NTM: variants seen among roughly 807,000 people sequenced by gnomAD.
NTM encodes neurotrimin, also known as IgLON family member 2.
In NTM, 13 loss-of-function variants were observed where a neutral mutation model predicts 42.1. That is an observed-to-expected ratio of 0.31 (90% CI 0.20 to 0.49). The LOEUF (loss-of-function observed/expected upper bound fraction) is 0.49, where lower values mean the gene tolerates loss of function less well. Ranked by LOEUF, NTM falls within the 20% of genes least tolerant of loss-of-function variation. The pLI, the probability that NTM is intolerant of heterozygous loss-of-function variation, is 0.99. For missense variants in NTM, 373 were observed against 452.8 expected, an observed-to-expected ratio of 0.82 and a Z score of 1.60; for synonymous variants, 187 against 179.2, an observed-to-expected ratio of 1.04 and a Z score of -0.35.
intron 1 of NTM, among the ~76,000 whole-genome samples, chr11:131,588,862 T>C (rs1166984148): frequency 3.2e-4 from 48 of 152,232 alleles, no homozygotes; most frequent in Admixed American, 3.1e-3. Context: ...TTGATGATTC[T>C]GAGAGAACTC....
At chr11:131,529,474 G>C (rs2050944597) in intron 1 of NTM, among the ~76,000 whole-genome samples, 1 of 152,166 alleles carries the variant, frequency 6.6e-6, no homozygotes, top group Admixed American at 6.5e-5. Context: ...TTCTCAGAGG[G>C]TAAATAGGAT....
At chr11:132,088,139 A>G (rs983848873) in intron 2 of NTM, among the ~76,000 whole-genome samples, 1 of 152,190 alleles carries the variant, frequency 6.6e-6, no homozygotes, top group African/African-American at 2.4e-5. Context: ...CCAATATTGT[A>G]AAAGAAAAGA....
intron 4 of NTM, among the ~76,000 whole-genome samples, chr11:132,255,804 C>G (rs2092422066): frequency 6.6e-6 from 1 of 152,104 alleles, no homozygotes. Context: ...CACTTCCATT[C>G]CAGTCAGCCT....
rs73593379 is a variant in NTM at position 132,139,271 on chromosome 11, T to C, written c.168-7011T>C. ...GCCCCACCTTGCCCAGGTTACCTTTTGCTAGAGTTTAGAATTTAGAGTTCT... is the reference window on the plus strand; with the variant it reads ...GCCCCACCTTGCCCAGGTTACCTTTCGCTAGAGTTTAGAATTTAGAGTTCT... On this transcript the variant is annotated intron_variant, in intron 2 of 8. Coordinates refer to ENST00000683400, the MANE Select transcript of NTM (RefSeq NM_001352005.2). Among the ~76,000 whole-genome samples the C allele has an allele frequency of 9.3e-3, 1,413 of 152,328 alleles. 16 individuals carry two copies. Among genetic ancestry groups the C allele is most frequent in the African/African-American group, 0.032 (1,335 of 41,578 alleles).
intron 1 of NTM, among the ~76,000 whole-genome samples, chr11:131,560,301 G>C (rs972978488): frequency 2.0e-5 from 3 of 152,180 alleles, no homozygotes; most frequent in African/African-American, 4.8e-5. Flanking sequence ...AGATTGCAGA[G>C]ATAGCTACCT....
At position 131,878,597 on chromosome 11, in the gene NTM, ATATATAT is replaced by A. The variant is rs2048945334; in HGVS notation, c.83-32966_83-32960del. Among the ~76,000 whole-genome samples, 27 of 9,702 alleles carry A rather than the reference ATATATAT, an allele frequency of 2.8e-3. 1 individual carries two copies. The highest frequency in any genetic ancestry group is 7.2e-3 in the African/African-American group (23 of 3,176). 6.4% of individuals were successfully genotyped at this position (9,702 alleles called of 152,430 possible). A position where few individuals can be genotyped will look rare whatever the true frequency, so the allele number is the denominator to read the frequency against. ...AAAAAAAAAAAAAAAAAAAAAAAATATATATATATATATATATATATATATATATATA... is the reference window on the plus strand; with the variant it reads ...AAAAAAAAAAAAAAAAAAAAAAAATAATATATATATATATATATATATATA... On this transcript the variant is annotated intron_variant, in intron 1 of 8. Transcript: ENST00000683400.
intron 1 of NTM, among the ~76,000 whole-genome samples, chr11:131,474,996 A>G (rs907072020): frequency 2.0e-5 from 3 of 152,162 alleles, no homozygotes; most frequent in Admixed American, 6.5e-5. Flanking sequence ...AGGAATAACA[A>G]TGTCATGCCA....
chr11:131,709,729 TA>T (rs1184032036), intron 1 of NTM, among the ~76,000 whole-genome samples: 3 of 152,172 alleles, frequency 2.0e-5, no homozygotes, highest in Non-Finnish European at 4.4e-5. Flanking sequence ...TATCAGTATA[TA>T]AACAGTGTTT....
intron 1 of NTM, among the ~76,000 whole-genome samples, chr11:131,903,954 T>A (rs1474139498): frequency 1.3e-5 from 2 of 152,306 alleles, no homozygotes; most frequent in East Asian, 1.9e-4. Flanking sequence ...TTTTTTGTTT[T>A]TTGACAAACA....
intron 1 of NTM, among the ~76,000 whole-genome samples, chr11:131,657,310 G>A (rs545377601): frequency 1.3e-5 from 2 of 152,142 alleles, no homozygotes; most frequent in Non-Finnish European, 2.9e-5. Flanking sequence ...GGAAAGGTCA[G>A]TGGGGAATTC....
rs1239409562 is a variant in NTM at position 131,890,164 on chromosome 11, C to CTG, written c.83-21399_83-21398insGT. On this transcript the variant is annotated intron_variant, in intron 1 of 8. Transcript: ENST00000683400. ...TCTCTCTCTCTCTCTCTGTCTCTCTCTCTCTCTCTCTCTGTCTCTCTCTCT... is the reference window on the plus strand; with the variant it reads ...TCTCTCTCTCTCTCTCTGTCTCTCTCTGTCTCTCTCTCTCTGTCTCTCTCTCT... Among the ~76,000 whole-genome samples, 3 of 137,020 alleles carry CTG rather than the reference C, an allele frequency of 2.2e-5. No homozygotes were observed. In the South Asian group the frequency reaches 6.9e-4, roughly 32 times the overall value. 89.9% of individuals were successfully genotyped at this position (137,020 alleles called of 152,430 possible).
rs1565465175 is a variant in NTM, at chr11:131,401,810, A to ATATATATATATATATATGTG, written c.82+30939_82+30940insGTGTATATATATATATATAT. 5.7e-3 allele frequency among the ~76,000 whole-genome samples: 80 copies of ATATATATATATATATATGTG among 13,944 alleles called. 10 individuals carry two copies. The highest frequency in any genetic ancestry group is 7.6e-3 in the East Asian group (2 of 264). 9.1% of individuals were successfully genotyped at this position (13,944 alleles called of 152,430 possible). On this transcript the variant is annotated intron_variant, in intron 1 of 8. Coordinates refer to ENST00000683400, the MANE Select transcript of NTM (RefSeq NM_001352005.2). The stretch of plus-strand genomic sequence containing the variant: ...GTCAGGCCACTGGAAATATATATAT[A>ATATATATATATATATATGTG]TATATATATATATATATATATATAT...
At chr11:131,823,485 A>G (rs998629113) in intron 1 of NTM, among the ~76,000 whole-genome samples, 1 of 152,000 alleles carries the variant, frequency 6.6e-6, no homozygotes, top group Admixed American at 6.6e-5. Context: ...TTTGCTATGA[A>G]CCCTCTAGCT....
chr11:131,470,172 T>C lies in NTM; in HGVS notation c.82+99284T>C, dbSNP rs985122060. 3.9e-5 allele frequency among the ~76,000 whole-genome samples: 6 copies of C among 152,292 alleles called. No homozygotes were observed. The South Asian group carries it at 6.2e-4, about 16-fold the overall frequency. ...GGGCAGGACATGGTTACTTTCTCTG[T>C]TTTAAAGACCTGTTCTGCTATTAGC... On this transcript the variant is annotated intron_variant, in intron 1 of 8. Transcript: ENST00000683400.
chr11:131,914,076 G>T (rs529908934), intron 2 of NTM, among the ~76,000 whole-genome samples: 1 of 152,336 alleles, frequency 6.6e-6, no homozygotes, highest in South Asian at 2.1e-4. Flanking sequence ...GGAAGCCCCT[G>T]AACTCTCAAA....
At chr11:132,258,484 G>A (rs967075765) in intron 4 of NTM, among the ~76,000 whole-genome samples, 5 of 152,140 alleles carry the variant, frequency 3.3e-5, no homozygotes, top group African/African-American at 1.2e-4. Flanking sequence ...ACCCTAAGTA[G>A]TGTCTTTGCT....
intron 2 of NTM, among the ~76,000 whole-genome samples, chr11:132,028,867 A>T (rs1477630596): frequency 1.3e-5 from 2 of 151,968 alleles, no homozygotes; most frequent in African/African-American, 4.8e-5. Flanking sequence ...TTTGATCCTT[A>T]CTGTGAGAAC....
chr11:132,267,118 T>C (rs1027260934), intron 4 of NTM, among the ~76,000 whole-genome samples: 1 of 152,206 alleles, frequency 6.6e-6, no homozygotes, highest in Non-Finnish European at 1.5e-5. Flanking sequence ...ATGTCTGCTG[T>C]ACTCCCTTTC....
chr11:131,703,700 T>C (rs1399864954), intron 1 of NTM, among the ~76,000 whole-genome samples: 1 of 152,062 alleles, frequency 6.6e-6, no homozygotes, highest in South Asian at 2.1e-4. Flanking sequence ...AAAAGCTGCA[T>C]TGAAGAGAGT....
Sources: allele counts gnomAD v4.1 joint callset (sites outside exome capture counted in the v4.1 genomes callset), GRCh38; gene constraint gnomAD v4.1.1; transcripts MANE v1.5; gene names NCBI Gene and HGNC (gene_info 2026-07-23, HGNC 2026-07-21).